Variants in SND1 observed in about 807,000 individuals in gnomAD.
The protein encoded by SND1 is staphylococcal nuclease domain-containing protein 1.
A neutral mutation model predicts 121.7 loss-of-function variants in SND1; 38 were observed. The observed-to-expected ratio is 0.31, with a 90% confidence interval of 0.24 to 0.41. The LOEUF (loss-of-function observed/expected upper bound fraction) is 0.41. Among genes scored for constraint, SND1 ranks in the 10% least tolerant of loss-of-function variants. The pLI is 1.00. For missense variants in SND1, 868 were observed against 1,184.6 expected, an observed-to-expected ratio of 0.73 and a Z score of 3.92; for synonymous variants, 401 against 447.4, an observed-to-expected ratio of 0.90 and a Z score of 1.31.
chr7:127,838,085 C>T (rs1037739896), intron 11 of SND1, among the ~76,000 whole-genome samples: 8 of 152,096 alleles, frequency 5.3e-5, no homozygotes, highest in South Asian at 2.1e-4. Flanking sequence ...GCCTGAGTGG[C>T]GGAATGAGTA....
At chr7:127,739,592 A>G (rs1796839370) in intron 10 of SND1, among the ~76,000 whole-genome samples, 1 of 152,146 alleles carries the variant, frequency 6.6e-6, no homozygotes, top group Non-Finnish European at 1.5e-5. Flanking sequence ...ATCCAACCAA[A>G]ATGCCCACCA....
chr7:127,662,619 T>TA (rs1437709251), intron 1 of SND1, among the ~76,000 whole-genome samples: 1 of 152,200 alleles, frequency 6.6e-6, no homozygotes, highest in East Asian at 1.9e-4. Flanking sequence ...TCATGTTAGA[T>TA]AAAATTTAGG....
chr7:127,794,798 A>G (rs970209426), intron 10 of SND1, among the ~76,000 whole-genome samples: 3 of 152,172 alleles, frequency 2.0e-5, no homozygotes, highest in African/African-American at 7.2e-5. Context: ...TATGAACAGT[A>G]AGAAATGTGG....
chr7:127,680,487 T>G (rs754235324), intron 1 of SND1, among the ~76,000 whole-genome samples: 57 of 152,072 alleles, frequency 3.7e-4, no homozygotes, highest in Admixed American at 2.6e-3. Flanking sequence ...ATGCCCACCC[T>G]CAGGGGCACA....
intron 11 of SND1, among the ~76,000 whole-genome samples, chr7:127,821,717 TA>T (rs11297859): frequency 0.64 from 96,569 of 151,418 alleles, 31,158 homozygotes; most frequent in East Asian, 0.92. Flanking sequence ...AAGGATGTGT[TA>T]AAAAAAAAAT....
At chr7:128,056,747 C>T (rs1224866678) in intron 16 of SND1, among the ~76,000 whole-genome samples, 1 of 152,158 alleles carries the variant, frequency 6.6e-6, no homozygotes, top group Non-Finnish European at 1.5e-5. Flanking sequence ...TGCCTCAAAC[C>T]ACAGACGGTG....
At chr7:128,007,667 C>T (rs767831168) in intron 16 of SND1, among the ~76,000 whole-genome samples, 5 of 152,316 alleles carry the variant, frequency 3.3e-5, no homozygotes, top group East Asian at 3.9e-4. Flanking sequence ...TAGTTATAGA[C>T]GTTTCTTTGT....
intron 11 of SND1, among the ~76,000 whole-genome samples, chr7:127,840,002 T>A (rs930267635): frequency 2.6e-5 from 4 of 152,238 alleles, no homozygotes; most frequent in Non-Finnish European, 1.5e-5. Context: ...TTCAAGGGTA[T>A]CCTTCATAAT....
intron 10 of SND1, among the ~76,000 whole-genome samples, chr7:127,742,902 G>T (rs933728964): frequency 1.3e-5 from 2 of 152,136 alleles, no homozygotes; most frequent in Non-Finnish European, 2.9e-5. Flanking sequence ...AATCCCCTTT[G>T]ACTTGTTCTT....
chr7:127,985,662 G>A (rs1255660464), intron 15 of SND1, among the ~76,000 whole-genome samples: 2 of 152,162 alleles, frequency 1.3e-5, no homozygotes, highest in African/African-American at 2.4e-5. Context: ...TTCCTAGCTG[G>A]TAACTAACTT....
chr7:127,664,892 A>G (rs1795385845), intron 1 of SND1, among the ~76,000 whole-genome samples: 1 of 152,222 alleles, frequency 6.6e-6, no homozygotes, highest in African/African-American at 2.4e-5. Flanking sequence ...GGTGTCAGAA[A>G]TGTTTGTGTG....
At chr7:127,796,890 C>CTTTTTTTTTT (rs36078891) in intron 10 of SND1, among the ~76,000 whole-genome samples, 12 of 102,092 alleles carry the variant, frequency 1.2e-4, no homozygotes, top group Non-Finnish European at 1.9e-4. Context: ...TTTCCTGAGT[C>CTTTTTTTTTT]TTTTTTTTTT....
intron 12 of SND1, among the ~76,000 whole-genome samples, chr7:127,856,937 G>C (rs562066770): frequency 6.6e-6 from 1 of 152,002 alleles, no homozygotes; most frequent in African/African-American, 2.4e-5. Flanking sequence ...TGCTTCTTGT[G>C]TCACTTAGCA....
chr7:128,030,784 G>C, intron 16 of SND1: 1 of 1,072,786 alleles, frequency 9.3e-7, no homozygotes, highest in East Asian at 2.8e-5. Context: ...AGACGGAGCG[G>C]ATCGGCCGAA....
chr7:128,081,249 G>T (rs1387970350), intron 17 of SND1, 111 bp from the exon 18 acceptor site: 15 of 1,341,784 alleles, frequency 1.1e-5, no homozygotes, highest in African/African-American at 1.5e-5. Flanking sequence ...ACCCGCCTCG[G>T]CCTCCCAAAG....
At chr7:127,792,526 G>T (rs368337361) in intron 10 of SND1, among the ~76,000 whole-genome samples, 1 of 152,112 alleles carries the variant, frequency 6.6e-6, no homozygotes, top group African/African-American at 2.4e-5. Flanking sequence ...GAACCCTAAG[G>T]GTAGCATGGA....
intron 11 of SND1, among the ~76,000 whole-genome samples, chr7:127,810,672 G>A (rs1798321427): frequency 6.6e-6 from 1 of 152,146 alleles, no homozygotes; most frequent in Non-Finnish European, 1.5e-5. Flanking sequence ...TTCCCTTAAC[G>A]CTTAGAGATC....
At chr7:127,914,383 C>T (rs550420308) in intron 14 of SND1, among the ~76,000 whole-genome samples, 1 of 152,298 alleles carries the variant, frequency 6.6e-6, no homozygotes, top group Admixed American at 6.5e-5. Context: ...TGGCATATGT[C>T]TCTTCTTCCA....
intron 16 of SND1, among the ~76,000 whole-genome samples, chr7:128,017,463 C>T (rs371002682): frequency 6.6e-6 from 1 of 152,200 alleles, no homozygotes; most frequent in Admixed American, 6.5e-5. Flanking sequence ...CTCCATGTGT[C>T]GCATTCACTG....
Sources: allele counts gnomAD v4.1 joint callset (sites outside exome capture counted in the v4.1 genomes callset), GRCh38; gene constraint gnomAD v4.1.1; transcripts MANE v1.5; gene names NCBI Gene and HGNC (gene_info 2026-07-23, HGNC 2026-07-21).